Variants in FBLN7 observed in about 807,000 individuals in gnomAD.
FBLN7 encodes the protein fibulin-7.
Under a neutral mutation model 44.0 loss-of-function variants are expected in FBLN7, and 31 were observed. The ratio of observed to expected loss-of-function variants is 0.70; its 90% CI spans 0.53 to 0.95. FBLN7 has a LOEUF of 0.95. Among genes scored for constraint, FBLN7 ranks in the 40% least tolerant of loss-of-function variants. The pLI is 0.00. For missense variants in FBLN7, 573 were observed against 618.5 expected, an observed-to-expected ratio of 0.93 and a Z score of 0.78; for synonymous variants, 262 against 253.4, an observed-to-expected ratio of 1.03 and a Z score of -0.32.
intron 1 of FBLN7, among the ~76,000 whole-genome samples, chr2:112,156,803 A>AT (rs1681454133): frequency 6.6e-6 from 1 of 152,212 alleles, no homozygotes; most frequent in Non-Finnish European, 1.5e-5. Context: ...CAACTGTGTC[A>AT]AAAGCATCCA....
the FBLN7 span, chr2:112,230,930 CTTCTT>C: frequency 3.5e-3 from 4,440 of 1,266,750 alleles, 14 homozygotes; most frequent in Non-Finnish European, 4.0e-3. Context: ...ATTTACATGA[CTTCTT>C]TTCAGTATCC....
chr2:112,196,649 G>A, the FBLN7 span, among the ~76,000 whole-genome samples: 1 of 152,128 alleles, frequency 6.6e-6, no homozygotes, highest in African/African-American at 2.4e-5. Flanking sequence ...TCATGGAAGA[G>A]TCTGATCAGG....
chr2:112,161,216 G>A (rs530174168), intron 2 of FBLN7, among the ~76,000 whole-genome samples: 12 of 152,296 alleles, frequency 7.9e-5, no homozygotes, highest in African/African-American at 2.9e-4. Flanking sequence ...TCAGGAGCCT[G>A]TGGAATATCT....
At chr2:112,212,466 G>A in the FBLN7 span, 1 of 152,250 alleles carries the variant, frequency 6.6e-6, no homozygotes, top group African/African-American at 2.4e-5. Context: ...TTGGGAAGAA[G>A]AATGTAGGTT....
chr2:112,187,573 G>C lies in FBLN7; in HGVS notation c.*67G>C. 6.4e-7 allele frequency: 1 copy of C among 1,567,202 alleles called. No individual in the cohort carries two copies. Among genetic ancestry groups the C allele is most frequent in the Non-Finnish European group, 8.7e-7 (1 of 1,153,946 alleles). On this transcript the variant is annotated 3_prime_UTR_variant, in exon 8 of 8. Transcript: ENST00000331203. The surrounding 1 kb of genome is among the most constrained non-coding windows in gnomAD (Gnocchi z 5.1). ...TCTCTTCCCCGAAGGCTCAGCTTCG[G>C]GCACCGACTGCGTGGAGCCTCCCGC...
the FBLN7 span, among the ~76,000 whole-genome samples, chr2:112,217,156 C>T: frequency 6.6e-6 from 1 of 151,994 alleles, no homozygotes; most frequent in East Asian, 1.9e-4. Flanking sequence ...ATCACTTGAG[C>T]TCAGGAGTTC....
At chr2:112,162,917 T>TA (rs200869048) in intron 2 of FBLN7, among the ~76,000 whole-genome samples, 58 of 151,250 alleles carry the variant, frequency 3.8e-4, no homozygotes, top group East Asian at 2.1e-3. Flanking sequence ...GTACTAGATG[T>TA]AAAAAAAAAG....
intron 1 of FBLN7, among the ~76,000 whole-genome samples, chr2:112,154,237 CTA>C (rs1681303865): frequency 6.6e-6 from 1 of 152,176 alleles, no homozygotes; most frequent in South Asian, 2.1e-4. Flanking sequence ...GAAATGGAAA[CTA>C]TTCGTCATTA....
At chr2:112,172,558 G>T (rs1682516041) in intron 3 of FBLN7, among the ~76,000 whole-genome samples, 1 of 151,044 alleles carries the variant, frequency 6.6e-6, no homozygotes. Flanking sequence ...ATTTGATTAG[G>T]ATCTGTCTCA....
rs749389483 is a variant in FBLN7, at chr2:112,185,259, C to T, written c.867C>T (p.Asn289=). Residue 289 remains asparagine, a synonymous_variant, in exon 7 of 8, where the codon AAC becomes AAT. Coordinates refer to ENST00000331203, the MANE Select transcript of FBLN7 (RefSeq NM_153214.3). The stretch of plus-strand genomic sequence containing the variant: ...GCCCCCAGGGGACCACATGCATCAA[C>T]ACCGGTGGAAGCTTCCAGTGTGTCA... The part of the protein sequence containing the change: ...PVCPQGTTCI[N]TGGSFQCVSP... The T allele has an allele frequency of 6.2e-6, 10 of 1,614,020 alleles. No homozygotes were observed. The highest frequency in any genetic ancestry group is 8.5e-6 in the Non-Finnish European group (10 of 1,179,930).
chr2:112,242,003 C>T, the FBLN7 span, among the ~76,000 whole-genome samples: 1 of 152,216 alleles, frequency 6.6e-6, no homozygotes, highest in Non-Finnish European at 1.5e-5. Context: ...CCTATCCACA[C>T]AGCCTACTCA....
chr2:112,192,528 T>C (rs768691497), downstream of FBLN7, among the ~76,000 whole-genome samples: 14 of 152,214 alleles, frequency 9.2e-5, no homozygotes, highest in Non-Finnish European at 1.8e-4. Context: ...GAAAGTTAGC[T>C]AGGATTCTGG....
In FBLN7 at chr2:112,187,769, T is replaced by G. The variant is rs1237141097; in HGVS notation, c.*263T>G. ...TATGCACTAACTTTCTTAAAACTTT[T>G]TCATCCAGGGGATGGGTGGCTTTCC... On this transcript the variant is annotated 3_prime_UTR_variant, in exon 8 of 8. Coordinates refer to ENST00000331203, the MANE Select transcript of FBLN7 (RefSeq NM_153214.3). The surrounding 1 kb of genome is among the most constrained non-coding windows in gnomAD (Gnocchi z 5.1). 1 of 513,022 alleles carries G rather than the reference T, an allele frequency of 1.9e-6. No homozygotes were observed. Among genetic ancestry groups the G allele is most frequent in the Non-Finnish European group, 3.4e-6 (1 of 294,554 alleles). 31.8% of individuals were successfully genotyped at this position (513,022 alleles called of 1,614,324 possible).
At chr2:112,194,636 G>A in the FBLN7 span, among the ~76,000 whole-genome samples, 6 of 152,208 alleles carry the variant, frequency 3.9e-5, no homozygotes, top group Non-Finnish European at 8.8e-5. Flanking sequence ...ATAGGCCAGT[G>A]AGTACTTACT....
At chr2:112,212,826 A>C in the FBLN7 span, 3 of 152,198 alleles carry the variant, frequency 2.0e-5, no homozygotes, top group Non-Finnish European at 4.4e-5. Flanking sequence ...GCAGGTGCTC[A>C]ACCTGAGATA....
intron 6 of FBLN7, among the ~76,000 whole-genome samples, chr2:112,184,171 T>C (rs1303798346): frequency 1.3e-5 from 2 of 151,946 alleles, no homozygotes; most frequent in Non-Finnish European, 1.5e-5. Flanking sequence ...ACTAGGAGGG[T>C]GGACAGGCCC....
intron 1 of FBLN7, among the ~76,000 whole-genome samples, chr2:112,157,151 C>A (rs1055563203): frequency 3.9e-5 from 6 of 152,188 alleles, no homozygotes; most frequent in Non-Finnish European, 5.9e-5. Flanking sequence ...AGGCAGATCA[C>A]CTGAAGTCAG....
At chr2:112,156,144 G>C (rs926513700) in intron 1 of FBLN7, among the ~76,000 whole-genome samples, 6 of 152,174 alleles carry the variant, frequency 3.9e-5, no homozygotes, top group Admixed American at 3.9e-4. Context: ...AACTTTGCAC[G>C]GGAGTGAGAA....
chr2:112,142,377 G>C (rs1680689366), intron 1 of FBLN7, among the ~76,000 whole-genome samples: 1 of 152,172 alleles, frequency 6.6e-6, no homozygotes, highest in Non-Finnish European at 1.5e-5. Flanking sequence ...ATTTTGGTAG[G>C]TTTCAAGTTT....
Sources: gnomAD v4.1 joint callset for allele counts (sites outside exome capture counted in the v4.1 genomes callset) on GRCh38, gnomAD v4.1.1 for gene constraint, Gnocchi (gnomAD v3.1) non-coding constraint, MANE v1.5 for transcripts, NCBI Gene and HGNC (gene_info 2026-07-23, HGNC 2026-07-21) for gene names.